PDE6B: variants seen among roughly 807,000 people sequenced by gnomAD.
The protein encoded by PDE6B is rod cGMP-specific 3',5'-cyclic phosphodiesterase subunit beta.
PDE6B carries 106 observed loss-of-function variants against 109.0 expected under a neutral mutation model. The observed-to-expected ratio is 0.97, with a 90% CI of 0.83 to 1.14. The LOEUF is 1.14. PDE6B is among the 50% of genes most tolerant of loss of function. PDE6B has a pLI of 0.00. For synonymous variants in PDE6B, 490 were observed against 471.3 expected (o/e 1.04, Z -0.51); for missense variants, 1,193 against 1,155.6 (o/e 1.03, Z -0.47).
At position 665,335 on chromosome 4, in the gene PDE6B, T is replaced by C. The variant is rs953446983; in HGVS notation, c.2268+6T>C. On this transcript the variant is annotated splice_donor_region_variant and intron_variant, in intron 19 of 21. Transcript: ENST00000496514. The surrounding 1 kb of genome is among the most constrained non-coding windows in gnomAD (Gnocchi z 4.0). ...TCTTGGATCAGCAGCCCATTGTGAG[T>C]GCTGCTTCTGGAACCTTCCACTCCT... 1 of 1,595,774 alleles carries C rather than the reference T, an allele frequency of 6.3e-7. No homozygotes were observed. The highest frequency in any genetic ancestry group is 1.7e-5 in the Admixed American group (1 of 59,996).
At chr4:643,078 G>A (rs1343811495) in intron 3 of PDE6B, among the ~76,000 whole-genome samples, 1 of 152,060 alleles carries the variant, frequency 6.6e-6, no homozygotes, top group African/African-American at 2.4e-5. Context: ...GGGAGGTTGA[G>A]GCGGGCGGAT....
chr4:654,065 C>T lies in PDE6B; in HGVS notation c.853-15C>T. 3 of 1,613,862 alleles carry T rather than the reference C, an allele frequency of 1.9e-6. No individual in the cohort carries two copies. Among genetic ancestry groups the T allele is most frequent in the Non-Finnish European group, 2.5e-6 (3 of 1,179,968 alleles). ...CCCGCAGTGACCGCCCCACCCTCACCTCTTCTCTGCCCAGGAATTTTTTGA... is the reference window on the plus strand; with the variant it reads ...CCCGCAGTGACCGCCCCACCCTCACTTCTTCTCTGCCCAGGAATTTTTTGA... On this transcript the variant is annotated splice_polypyrimidine_tract_variant and intron_variant, in intron 4 of 21. Transcript: ENST00000496514.
intron 9 of PDE6B, 101 bp downstream of exon 9, chr4:657,124 G>C: frequency 7.7e-7 from 1 of 1,291,806 alleles, no homozygotes; most frequent in Admixed American, 1.7e-5. Context: ...CTGTGTGCGT[G>C]TGCTCATGTG....
rs1313292783 is a variant in PDE6B, at chr4:627,692, G to A, written c.468+1598G>A. On this transcript the variant is annotated intron_variant, in intron 1 of 21. Coordinates refer to ENST00000496514, the MANE Select transcript of PDE6B (RefSeq NM_000283.4). ...TCCTCCCTCCTCCCCTCACTCTCCT[G>A]CCACCCTCCTCCCTCCTTTTCTGCC... is the stretch of plus-strand genomic sequence containing the variant. Among the ~76,000 whole-genome samples the A allele has an allele frequency of 1.6e-4, 19 of 117,566 alleles. No individual in the cohort carries two copies. The Admixed American group carries it at 2.0e-3, about 13-fold the overall frequency. The allele number at this position is 117,566 out of a possible 152,430, so 77.1% of individuals were successfully genotyped here.
At chr4:660,289 G>C (rs1238252915) in intron 11 of PDE6B, among the ~76,000 whole-genome samples, 178 bp from the exon 12 acceptor site, 2 of 152,196 alleles carry the variant, frequency 1.3e-5, no homozygotes, top group African/African-American at 4.8e-5. Flanking sequence ...GAGTGAGGCT[G>C]AGCCAGGGGG....
At position 670,688 on chromosome 4, in the gene PDE6B, T is replaced by C. The variant is rs1207619481; in HGVS notation, c.*581T>C. 1 of 160,740 alleles carries C rather than the reference T, an allele frequency of 6.2e-6. No individual in the cohort carries two copies. The highest frequency in any genetic ancestry group is 2.4e-5 in the African/African-American group (1 of 41,512). 10.0% of individuals were successfully genotyped at this position (160,740 alleles called of 1,614,324 possible). ...ATTTGCAGCCACACATGTACATATGTGTACACAGGTAGACAGATGGACACA... is the reference window on the plus strand; with the variant it reads ...ATTTGCAGCCACACATGTACATATGCGTACACAGGTAGACAGATGGACACA... On this transcript the variant is annotated 3_prime_UTR_variant, in exon 22 of 22. Coordinates refer to ENST00000496514, the MANE Select transcript of PDE6B (RefSeq NM_000283.4).
chr4:629,282 C>G (rs1734264599), intron 1 of PDE6B, among the ~76,000 whole-genome samples: 1 of 152,104 alleles, frequency 6.6e-6, no homozygotes, highest in Non-Finnish European at 1.5e-5. Context: ...GAGGGGGAAG[C>G]CACCAGCCCC....
At chr4:646,701 G>C (rs957931375) in intron 3 of PDE6B, among the ~76,000 whole-genome samples, 2 of 151,966 alleles carry the variant, frequency 1.3e-5, no homozygotes, top group African/African-American at 4.8e-5. Flanking sequence ...CGCAGCCTCC[G>C]GCCGGGCGGC....
In PDE6B at chr4:666,738, C is replaced by T. The variant is rs1737848479; in HGVS notation, c.2352+124C>T. The T allele has an allele frequency of 2.8e-6, 2 of 718,926 alleles. No homozygotes were observed. The highest frequency in any genetic ancestry group is 5.4e-5 in the East Asian group (2 of 37,076). 44.5% of individuals were successfully genotyped at this position (718,926 alleles called of 1,614,324 possible). ...CGGTGTCCTCACTGGAGTAGGGATG[C>T]CAGTGCCAGCTTCGTGCCGCTCTTG... On this transcript the variant is annotated intron_variant, in intron 20 of 21. Transcript: ENST00000496514. The surrounding 1 kb of genome is among the most constrained non-coding windows in gnomAD (Gnocchi z 5.6).
intron 10 of PDE6B, 47 bp from the exon 11 acceptor site, chr4:658,905 C>A: frequency 7.1e-7 from 1 of 1,404,390 alleles, no homozygotes; most frequent in Non-Finnish European, 1.0e-6. Context: ...GTCACCTTGT[C>A]CCACATGCGA....
In PDE6B at chr4:662,622, G is replaced by A. The variant is rs770501384; in HGVS notation, c.1832+4G>A. 1.9e-5 allele frequency: 30 copies of A among 1,546,006 alleles called. No homozygotes were observed. Among genetic ancestry groups the A allele is most frequent in the Non-Finnish European group, 2.6e-5 (29 of 1,118,782 alleles). On this transcript the variant is annotated splice_donor_region_variant and intron_variant, in intron 14 of 21. Coordinates refer to ENST00000496514, the MANE Select transcript of PDE6B (RefSeq NM_000283.4). The surrounding 1 kb of genome is among the most constrained non-coding windows in gnomAD (Gnocchi z 4.3). ...CCAACAACCTGTACCAGATGAAGTA[G>A]GCACCTCAGGGCGGGCATGTGAATT...
Position 670,229 on chromosome 4 carries a change from G to T in PDE6B, c.*122G>T. 3 of 1,405,602 alleles carry T rather than the reference G, an allele frequency of 2.1e-6. No homozygotes were observed. The highest frequency in any genetic ancestry group is 2.9e-6 in the Non-Finnish European group (3 of 1,039,902). The allele number at this position is 1,405,602 out of a possible 1,614,324, so 87.1% of individuals were successfully genotyped here. A position where few individuals can be genotyped will look rare whatever the true frequency, so the allele number is the denominator to read the frequency against. On this transcript the variant is annotated 3_prime_UTR_variant, in exon 22 of 22. Transcript: ENST00000496514. The stretch of plus-strand genomic sequence containing the variant: ...CAAGAAAATGACTGAAGATCATTCT[G>T]GATATTTTAATTTTTTTTTTTTTTT...
At position 636,211 on chromosome 4, in the gene PDE6B, G is replaced by A. The variant is rs959190841; in HGVS notation, c.711+242G>A. ...AGAGTGGGTGTGAGGCACCTGCAGAGGGGGAAAGGGGCACCTTTCCTAGAG... is the reference window on the plus strand; with the variant it reads ...AGAGTGGGTGTGAGGCACCTGCAGAAGGGGAAAGGGGCACCTTTCCTAGAG... On this transcript the variant is annotated intron_variant, in intron 3 of 21. Coordinates refer to ENST00000496514, the MANE Select transcript of PDE6B (RefSeq NM_000283.4). This position sits in a 1 kb window ranked among gnomAD's most constrained non-coding sequence, Gnocchi z 4.5. Among the ~76,000 whole-genome samples, 2 of 152,230 alleles carry A rather than the reference G, an allele frequency of 1.3e-5. No homozygotes were observed. The highest frequency in any genetic ancestry group is 2.1e-4 in the South Asian group (1 of 4,834).
At chr4:653,546 G>A in intron 3 of PDE6B, 1 of 511,418 alleles carries the variant, frequency 2.0e-6, no homozygotes, top group Non-Finnish European at 3.5e-6. Flanking sequence ...AGGAAGGGCT[G>A]GTCGGATGTT....
chr4:635,931 C>T lies in PDE6B; in HGVS notation c.673C>T (p.Leu225=). The part of the protein sequence containing the change: ...FATLYLKIYH[L]SYLHNCETRR... ...CACGTTGTACCTGAAGATCTATCAC[C>T]TGAGCTACCTCCACAACTGCGAGAC... The change falls in exon 3 of 22, where the codon CTG becomes TTG. Residue 225 remains leucine, a synonymous_variant. Coordinates refer to ENST00000496514, the MANE Select transcript of PDE6B (RefSeq NM_000283.4). The T allele has an allele frequency of 6.2e-7, 1 of 1,609,898 alleles. No individual in the cohort carries two copies. Among genetic ancestry groups the T allele is most frequent in the Non-Finnish European group, 8.5e-7 (1 of 1,176,082 alleles).
chr4:625,749 G>A lies in PDE6B; in HGVS notation c.123G>A (p.Pro41=), dbSNP rs113459274. The A allele has an allele frequency of 4.4e-3, 7,156 of 1,613,416 alleles. 267 individuals carry two copies. The African/African-American group carries it at 0.084, about 19-fold the overall frequency. Reference sequence around the variant, plus strand: ...CCGCGGCCTGCGAGGACGGGTGCCCGCCGGACTGCGACAGCCTCCGGGACC... The same window carrying A: ...CCGCGGCCTGCGAGGACGGGTGCCCACCGGACTGCGACAGCCTCCGGGACC... The part of the protein sequence containing the change: ...NVAAACEDGC[P]PDCDSLRDLC... Residue 41 remains proline, a synonymous_variant, in exon 1 of 22, where the codon CCG becomes CCA. Transcript: ENST00000496514. This position sits in a 1 kb window ranked among gnomAD's most constrained non-coding sequence, Gnocchi z 5.0.
chr4:635,363 G>A (rs1436440053), intron 2 of PDE6B, among the ~76,000 whole-genome samples: 2 of 131,692 alleles, frequency 1.5e-5, no homozygotes, highest in South Asian at 4.9e-4. Flanking sequence ...GCCTGCCCGC[G>A]TGTTCTGTGC....
chr4:632,145 A>T (rs1422830552), intron 1 of PDE6B, among the ~76,000 whole-genome samples: 2 of 151,182 alleles, frequency 1.3e-5, no homozygotes, highest in African/African-American at 4.9e-5. Flanking sequence ...TGCTCTTTCC[A>T]GAATCTCTGG....
At chr4:639,565 C>T (rs569906588) in intron 3 of PDE6B, among the ~76,000 whole-genome samples, 1 of 152,332 alleles carries the variant, frequency 6.6e-6, no homozygotes, top group African/African-American at 2.4e-5. Flanking sequence ...AGGAGAGATG[C>T]CTCTAAGTTC....
Sources: gnomAD v4.1 joint callset for allele counts (sites outside exome capture counted in the v4.1 genomes callset) on GRCh38, gnomAD v4.1.1 for gene constraint, Gnocchi (gnomAD v3.1) non-coding constraint, MANE v1.5 for transcripts, NCBI Gene and HGNC (gene_info 2026-07-23, HGNC 2026-07-21) for gene names.